ANK1: variants seen among roughly 807,000 people sequenced by gnomAD.
The protein encoded by ANK1 is ankyrin 1.
ANK1 carries 51 observed loss-of-function variants against 210.4 expected under a neutral mutation model. The observed-to-expected ratio is 0.24, with a 90% CI of 0.19 to 0.31. The LOEUF is 0.31. Ranked by LOEUF, ANK1 falls within the 10% of genes least tolerant of loss-of-function variation. The pLI, the probability that ANK1 is intolerant of heterozygous loss-of-function variation, is 1.00. For missense variants in ANK1, 2,051 were observed against 2,504.4 expected, an observed-to-expected ratio of 0.82 and a Z score of 3.86; for synonymous variants, 967 against 1,025.9, an observed-to-expected ratio of 0.94 and a Z score of 1.10.
At chr8:41,726,824 A>G (rs546895511) in intron 5 of ANK1, among the ~76,000 whole-genome samples, 3 of 152,350 alleles carry the variant, frequency 2.0e-5, no homozygotes, top group South Asian at 4.1e-4. Flanking sequence ...CCTTGGCTCT[A>G]TCTAGTCCAA....
intron 30 of ANK1, 108 bp downstream of exon 30, chr8:41,692,997 G>C (rs1052094990): frequency 1.3e-6 from 2 of 1,511,996 alleles, no homozygotes; most frequent in South Asian, 2.3e-5. Flanking sequence ...GGTCACGGAG[G>C]CTTCCACATG....
chr8:41,822,724 A>G (rs1381881840), intron 1 of ANK1, among the ~76,000 whole-genome samples: 1 of 152,126 alleles, frequency 6.6e-6, no homozygotes, highest in Non-Finnish European at 1.5e-5. Flanking sequence ...AAGGCCAGAG[A>G]GGGTCACAGG....
At chr8:41,690,163 T>G (rs2150585558) in intron 33 of ANK1, 64 bp downstream of exon 33, 1 of 1,611,396 alleles carries the variant, frequency 6.2e-7, no homozygotes, top group East Asian at 2.2e-5. Context: ...ACCTGGGGTC[T>G]GTTTGGGGAC....
At chr8:41,780,483 G>C (rs1845051899) in intron 1 of ANK1, among the ~76,000 whole-genome samples, 1 of 152,216 alleles carries the variant, frequency 6.6e-6, no homozygotes, top group Non-Finnish European at 1.5e-5. Context: ...CTTCTCTGGG[G>C]GGTGAGACGT....
At chr8:41,866,425 C>T (rs759843124) in intron 1 of ANK1, among the ~76,000 whole-genome samples, 9 of 151,838 alleles carry the variant, frequency 5.9e-5, no homozygotes, top group Non-Finnish European at 8.8e-5. Flanking sequence ...AATTCCTGGC[C>T]TCAAGTAATC....
intron 1 of ANK1, among the ~76,000 whole-genome samples, chr8:41,803,064 G>GA (rs2150778141): frequency 1.5e-5 from 1 of 65,288 alleles, no homozygotes; most frequent in African/African-American, 7.1e-5. Context: ...AGAGAGAAAG[G>GA]AAGGAAGGAA....
chr8:41,888,571 G>A (rs1332331963), intron 1 of ANK1, among the ~76,000 whole-genome samples: 1 of 152,166 alleles, frequency 6.6e-6, no homozygotes, highest in Non-Finnish European at 1.5e-5. Context: ...AAAAGCTAAA[G>A]GCCCAGATAA....
At chr8:41,700,422 A>G (rs558043834) in intron 22 of ANK1, 2 of 1,613,290 alleles carry the variant, frequency 1.2e-6, no homozygotes, top group East Asian at 2.2e-5. Flanking sequence ...AACAGAAAGC[A>G]TTTCATACCC....
intron 20 of ANK1, 54 bp from the exon 21 acceptor site, chr8:41,702,198 G>T: frequency 1.4e-6 from 2 of 1,470,574 alleles, no homozygotes; most frequent in Non-Finnish European, 1.9e-6. Context: ...TCTAGGAGGC[G>T]GGGCTGGCTC....
intron 5 of ANK1, 127 bp from the exon 6 acceptor site, chr8:41,726,073 A>G: frequency 9.4e-7 from 1 of 1,061,838 alleles, no homozygotes; most frequent in Non-Finnish European, 1.4e-6. Flanking sequence ...ACCTCCACCA[A>G]AGCCCTCTTC....
intron 1 of ANK1, among the ~76,000 whole-genome samples, chr8:41,779,723 C>T (rs949726884): frequency 2.0e-5 from 3 of 152,184 alleles, no homozygotes; most frequent in African/African-American, 7.2e-5. Flanking sequence ...GTCAGGTGTT[C>T]TACTTATCCT....
chr8:41,850,910 A>G (rs1811117826), intron 1 of ANK1, among the ~76,000 whole-genome samples: 1 of 152,266 alleles, frequency 6.6e-6, no homozygotes, highest in Admixed American at 6.5e-5. Flanking sequence ...GCTCACGTGC[A>G]TGTCATCACA....
chr8:41,791,194 G>GTTTTTTTT (rs71239082), intron 1 of ANK1, among the ~76,000 whole-genome samples: 3 of 70,120 alleles, frequency 4.3e-5, no homozygotes, highest in Admixed American at 2.1e-4. Flanking sequence ...TACTAACTTT[G>GTTTTTTTT]TTTTTTTTTT....
intron 1 of ANK1, among the ~76,000 whole-genome samples, chr8:41,803,085 G>GGAGGGAAGGAAAGGA (rs1563811160): frequency 3.3e-5 from 2 of 60,034 alleles, no homozygotes; most frequent in Non-Finnish European, 6.3e-5. Flanking sequence ...GGAAGGAAGG[G>GGAGGGAAGGAAAGGA]AAGGAAAGGA....
At chr8:41,761,184 T>C (rs912408776) in intron 1 of ANK1, among the ~76,000 whole-genome samples, 11 of 115,844 alleles carry the variant, frequency 9.5e-5, no homozygotes, top group African/African-American at 3.1e-4. Flanking sequence ...CACACACAGA[T>C]GCATGCGCAC....
chr8:41,680,274 T>C (rs989907197), intron 37 of ANK1, among the ~76,000 whole-genome samples: 2 of 152,006 alleles, frequency 1.3e-5, no homozygotes, highest in Non-Finnish European at 2.9e-5. Context: ...CAAATAAAGA[T>C]GTAAGGGGCC....
rs183006174 is a variant in ANK1 at position 41,729,929 on chromosome 8, G to A, written c.229-1923C>T. On this transcript the variant is annotated intron_variant, in intron 3 of 42. Coordinates refer to ENST00000289734, the MANE Select transcript of ANK1 (RefSeq NM_000037.4). ...ACTCCATGCTTCTGTCAAATAGGGC[G>A]AGTGGAGAAAATAGGTCCATGGTCG... Among the ~76,000 whole-genome samples, 116 of 152,354 alleles carry A rather than the reference G, an allele frequency of 7.6e-4. 3 individuals are homozygous for A. The highest frequency in any genetic ancestry group is 2.7e-3 in the African/African-American group (111 of 41,584).
At chr8:41,708,214 C>CA (rs548967528) in intron 17 of ANK1, among the ~76,000 whole-genome samples, 4 of 151,314 alleles carry the variant, frequency 2.6e-5, no homozygotes, top group African/African-American at 9.7e-5. Flanking sequence ...GATTTTTAGT[C>CA]TTTTTTTTTG....
chr8:41,890,921 A>G (rs904562515), intron 1 of ANK1, among the ~76,000 whole-genome samples: 1 of 152,226 alleles, frequency 6.6e-6, no homozygotes, highest in African/African-American at 2.4e-5. Context: ...TTCAAGCCAT[A>G]GATATCTAGT....
Sources: gnomAD v4.1 joint callset for allele counts (sites outside exome capture counted in the v4.1 genomes callset) on GRCh38, gnomAD v4.1.1 for gene constraint, MANE v1.5 for transcripts, NCBI Gene and HGNC (gene_info 2026-07-23, HGNC 2026-07-21) for gene names.